Variants in AMMECR1 observed in about 807,000 individuals in gnomAD.
AMMECR1 encodes AMMECR nuclear protein 1, also known as nuclear protein AMMECR1.
In AMMECR1, 3 loss-of-function variants were observed where a neutral mutation model predicts 22.5. The ratio of observed to expected loss-of-function variants is 0.13; its 90% confidence interval spans 0.06 to 0.35. AMMECR1 has a LOEUF of 0.35. Ranked by LOEUF, AMMECR1 falls within the 10% of genes least tolerant of loss-of-function variation. The pLI is 1.00. For synonymous variants in AMMECR1, 130 were observed against 116.7 expected, an observed-to-expected ratio of 1.11 and a Z score of -0.74; for missense variants, 235 against 278.7, an observed-to-expected ratio of 0.84 and a Z score of 1.12.
intron 2 of AMMECR1, among the ~76,000 whole-genome samples, chrX:110,410,333 G>A (rs746118745): frequency 9.8e-5 from 11 of 111,743 alleles, no homozygotes; most frequent in African/African-American, 1.6e-4. Flanking sequence ...GTTGTTTTTC[G>A]TTATAATAAG....
At chrX:110,381,774 A>C (rs1159381910) in intron 2 of AMMECR1, among the ~76,000 whole-genome samples, 1 of 111,222 alleles carries the variant, frequency 9.0e-6, no homozygotes, top group Non-Finnish European at 1.9e-5. Flanking sequence ...TTATGGGAAC[A>C]TGGATGCAGC....
chrX:110,361,519 TC>T (rs1487041030), intron 2 of AMMECR1, among the ~76,000 whole-genome samples: 1 of 111,276 alleles, frequency 9.0e-6, no homozygotes, highest in Non-Finnish European at 1.9e-5. Context: ...TCCAATGGCT[TC>T]CCATCTGACA....
chrX:110,296,240 T>A (rs2067935304), intron 1 of AMMECR1, among the ~76,000 whole-genome samples: 1 of 112,199 alleles, frequency 8.9e-6, no homozygotes, highest in Non-Finnish European at 1.9e-5. Flanking sequence ...CCCACTGCCC[T>A]TCCGACCCAG....
intron 1 of AMMECR1, among the ~76,000 whole-genome samples, chrX:110,430,902 A>G (rs2068791681): frequency 8.9e-6 from 1 of 112,029 alleles, no homozygotes; most frequent in Non-Finnish European, 1.9e-5. Flanking sequence ...AAAACTAAAA[A>G]TCCCTAGATG....
intron 2 of AMMECR1, among the ~76,000 whole-genome samples, chrX:110,221,171 A>C (rs1313473754): frequency 8.9e-6 from 1 of 112,268 alleles, no homozygotes; most frequent in East Asian, 2.8e-4. Context: ...GGCAAAGAGA[A>C]GCAATTCAAC....
chrX:110,428,601 C>A (rs997124705), intron 1 of AMMECR1, among the ~76,000 whole-genome samples: 9 of 111,157 alleles, frequency 8.1e-5, no homozygotes, highest in East Asian at 5.7e-4. Context: ...TCTGAACACT[C>A]CCCCCCTCTC....
At chrX:110,328,265 C>T (rs952814591) in intron 2 of AMMECR1, among the ~76,000 whole-genome samples, 3 of 111,420 alleles carry the variant, frequency 2.7e-5, no homozygotes, top group African/African-American at 6.5e-5. Context: ...CTTCATTTTC[C>T]TTATCTCTTA....
At chrX:110,434,809 G>T (rs2068824390) in intron 1 of AMMECR1, among the ~76,000 whole-genome samples, 1 of 110,617 alleles carries the variant, frequency 9.0e-6, no homozygotes, top group Non-Finnish European at 1.9e-5. Flanking sequence ...GACCTCAGGG[G>T]ACTGGATGGG....
intron 2 of AMMECR1, among the ~76,000 whole-genome samples, chrX:110,374,691 T>C (rs1485451369): frequency 8.9e-6 from 1 of 111,864 alleles, no homozygotes; most frequent in African/African-American, 3.3e-5. Context: ...TTAGGCTGCA[T>C]AGAATTTATT....
At chrX:110,421,111 C>T (rs1323954249) in intron 2 of AMMECR1, among the ~76,000 whole-genome samples, 1 of 112,372 alleles carries the variant, frequency 8.9e-6, no homozygotes, top group African/African-American at 3.2e-5. Flanking sequence ...GTTTAAGGTT[C>T]TCATCCAGCC....
chrX:110,332,983 G>C (rs2068126567), intron 2 of AMMECR1, among the ~76,000 whole-genome samples: 1 of 111,865 alleles, frequency 8.9e-6, no homozygotes. Flanking sequence ...CCGTGAGGAT[G>C]CCAGCTTCAG....
intron 2 of AMMECR1, among the ~76,000 whole-genome samples, chrX:110,391,870 A>G (rs757081890): frequency 1.5e-4 from 17 of 112,252 alleles, no homozygotes; most frequent in Non-Finnish European, 3.0e-4. Context: ...TCACAGACAC[A>G]TAGCCAGATT....
intron 2 of AMMECR1, among the ~76,000 whole-genome samples, chrX:110,358,350 A>G (rs1356333514): frequency 8.9e-6 from 1 of 111,762 alleles, no homozygotes; most frequent in African/African-American, 3.3e-5. Context: ...AGTGCTATTA[A>G]ATTACATTCT....
At chrX:110,214,930 A>G (rs1364895470) in intron 3 of AMMECR1, among the ~76,000 whole-genome samples, 1 of 111,841 alleles carries the variant, frequency 8.9e-6, no homozygotes, top group Non-Finnish European at 1.9e-5. Flanking sequence ...GCCTTAAAAC[A>G]GTAAAAGAAC....
rs1001440012 is a variant in AMMECR1, at chrX:110,196,291, G to A, written c.*2229C>T. The A allele has an allele frequency of 2.7e-5, 3 of 111,437 alleles. No individual in the cohort carries two copies. Among genetic ancestry groups the A allele is most frequent in the African/African-American group, 6.5e-5 (2 of 30,630 alleles). The allele number at this position is 111,437 out of a possible 1,213,427, so 9.2% of individuals were successfully genotyped here. ...CCCAGGACGAGGAGCCTGTTGAACCGATGAGATGATGGATAAGATGGATTT... is the reference window on the plus strand; with the variant it reads ...CCCAGGACGAGGAGCCTGTTGAACCAATGAGATGATGGATAAGATGGATTT... On this transcript the variant is annotated 3_prime_UTR_variant, in exon 6 of 6. Transcript: ENST00000262844.
chrX:110,204,987 G>C (rs2067415167), intron 3 of AMMECR1, among the ~76,000 whole-genome samples: 1 of 112,026 alleles, frequency 8.9e-6, no homozygotes. Flanking sequence ...AAATTGAACT[G>C]TAAGTATAGT....
At chrX:110,400,700 T>C (rs1193207102) in intron 2 of AMMECR1, among the ~76,000 whole-genome samples, 1 of 112,097 alleles carries the variant, frequency 8.9e-6, no homozygotes, top group Non-Finnish European at 1.9e-5. Context: ...TCAGTGCCCT[T>C]AGGTACCCTC....
intron 2 of AMMECR1, among the ~76,000 whole-genome samples, chrX:110,383,902 A>T (rs746190832): frequency 8.9e-5 from 10 of 112,118 alleles, no homozygotes; most frequent in African/African-American, 3.2e-4. Flanking sequence ...TCTGCCACTT[A>T]TAAGCTATGT....
chrX:110,343,254 T>G (rs982103670), intron 2 of AMMECR1, among the ~76,000 whole-genome samples: 1 of 111,744 alleles, frequency 8.9e-6, no homozygotes, highest in Non-Finnish European at 1.9e-5. Context: ...CATGATTATC[T>G]CAATAGATGC....
Sources: gnomAD v4.1 joint callset for allele counts (sites outside exome capture counted in the v4.1 genomes callset) on GRCh38, gnomAD v4.1.1 for gene constraint, MANE v1.5 for transcripts, NCBI Gene and HGNC (gene_info 2026-07-23, HGNC 2026-07-21) for gene names.